The following LPO variants were observed in gnomAD, a reference collection of about 807,000 sequenced individuals.
LPO encodes the protein lactoperoxidase.
In LPO, 70 loss-of-function variants were observed where a neutral mutation model predicts 68.4. The observed-to-expected ratio is 1.02, with a 90% CI of 0.84 to 1.25. LPO has a LOEUF of 1.25. Among genes scored for constraint, LPO ranks in the 50% most tolerant of loss-of-function variants. The probability of loss-of-function intolerance (pLI) is 0.00; values close to 1 mark genes in which losing one functional copy is unlikely to be tolerated. For synonymous variants in LPO, 360 were observed against 357.6 expected, an observed-to-expected ratio of 1.01 and a Z score of -0.08; for missense variants, 873 against 908.4, an observed-to-expected ratio of 0.96 and a Z score of 0.50.
chr17:58,261,624 T>G (rs1391136963), intron 9 of LPO, among the ~76,000 whole-genome samples: 1 of 152,208 alleles, frequency 6.6e-6, no homozygotes, highest in Admixed American at 6.5e-5. Context: ...TTTAAAATAA[T>G]TATTAACATG....
chr17:58,264,887 C>T lies in LPO; in HGVS notation c.1432C>T (p.Leu478=). Residue 478 remains leucine (L), a synonymous_variant, in exon 10 of 13, where the codon CTG becomes TTG. Coordinates refer to ENST00000262290, the MANE Select transcript of LPO (RefSeq NM_006151.3). ...HLEVPSSMFR[L]DENYQPWGPE... The stretch of plus-strand genomic sequence containing the variant: ...GGAGGTCCCCTCTAGTATGTTCCGC[C>T]TGGATGAGAATTATCAGCCATGGGG... 1 of 1,614,242 alleles carries T rather than the reference C, an allele frequency of 6.2e-7. No homozygotes were observed. Among genetic ancestry groups the T allele is most frequent in the Non-Finnish European group, 8.5e-7 (1 of 1,180,052 alleles).
At chr17:58,244,125 A>ACT (rs767807634) in intron 3 of LPO, 44 bp downstream of exon 3, 2 of 1,316,626 alleles carry the variant, frequency 1.5e-6, no homozygotes, top group South Asian at 2.5e-5. Context: ...ACACACACAC[A>ACT]CACACACTTC....
intron 2 of LPO, 86 bp downstream of exon 2, chr17:58,243,141 C>T (rs897388646): frequency 3.0e-6 from 4 of 1,332,654 alleles, no homozygotes; most frequent in Non-Finnish European, 4.3e-6. Flanking sequence ...AATGTATTCT[C>T]TCACAGTACG....
chr17:58,254,412 T>C (rs1000306544), intron 8 of LPO: 1 of 154,676 alleles, frequency 6.5e-6, no homozygotes, highest in Non-Finnish European at 1.4e-5. Context: ...ATTTGCTCTG[T>C]GAAGTAAAAA....
rs1166759699 is a variant in LPO, at chr17:58,267,468, G to A, written c.1813G>A (p.Asp605Asn). 3.1e-6 allele frequency: 5 copies of A among 1,614,212 alleles called. 1 individual carries two copies. Among genetic ancestry groups the A allele is most frequent in the East Asian group, 4.5e-5 (2 of 44,880 alleles). Residue 605 changes from aspartate (D) to asparagine (N), a missense_variant, in exon 12 of 13, where the codon GAC becomes AAC. Coordinates refer to ENST00000262290, the MANE Select transcript of LPO (RefSeq NM_006151.3). Reference sequence around the variant, plus strand: ...GTTACTGGGTCTCTACGGGACCCCTGACAACATCGACATCTGGATAGGGGC... The same window carrying A: ...GTTACTGGGTCTCTACGGGACCCCTAACAACATCGACATCTGGATAGGGGC... ...KKLLGLYGTP[D>N]NIDIWIGAIA...
Position 58,247,604 on chromosome 17 carries a change from A to G in LPO, c.291A>G (p.Arg97=), listed in dbSNP as rs1969876072. 6.2e-7 allele frequency: 1 copy of G among 1,614,100 alleles called. No homozygotes were observed. ...AGGTGTGGGAGGAGTCTTTAAAGAG[A>G]CTGAGGCAGAAGGCATCCTTGACCA... ...NGQVWEESLK[R]LRQKASLTNV... is the part of the protein sequence containing the mutation. The change falls in exon 4 of 13, where the codon AGA becomes AGG. Residue 97 remains arginine, a synonymous_variant. Coordinates refer to ENST00000262290, the MANE Select transcript of LPO (RefSeq NM_006151.3).
intron 9 of LPO, among the ~76,000 whole-genome samples, chr17:58,263,378 G>A (rs1970206475): frequency 6.6e-6 from 1 of 152,158 alleles, no homozygotes; most frequent in Non-Finnish European, 1.5e-5. Flanking sequence ...TTGGTATTAT[G>A]AGTGATTTTC....
At chr17:58,242,591 C>T (rs746427104) in intron 1 of LPO, among the ~76,000 whole-genome samples, 4 of 152,198 alleles carry the variant, frequency 2.6e-5, no homozygotes, top group African/African-American at 4.8e-5. Flanking sequence ...CAGCATCTCC[C>T]GACCACAGGC....
chr17:58,252,088 CA>C, intron 7 of LPO, 93 bp from the exon 8 acceptor site: 1 of 1,165,280 alleles, frequency 8.6e-7, no homozygotes, highest in African/African-American at 1.5e-5. Context: ...AGGGTGCCAT[CA>C]GCATCTTTGC....
chr17:58,263,069 T>C (rs1461922830), intron 9 of LPO, among the ~76,000 whole-genome samples: 1 of 152,230 alleles, frequency 6.6e-6, no homozygotes, highest in Non-Finnish European at 1.5e-5. Flanking sequence ...GTAAATTCTA[T>C]TGATCTGTCT....
intron 9 of LPO, among the ~76,000 whole-genome samples, chr17:58,259,076 T>C (rs1970127708): frequency 6.6e-6 from 1 of 152,102 alleles, no homozygotes; most frequent in Admixed American, 6.5e-5. Context: ...AGCAAAAGCT[T>C]TTAATTTTAA....
chr17:58,257,927 A>G (rs747163645), intron 9 of LPO, among the ~76,000 whole-genome samples: 1 of 152,256 alleles, frequency 6.6e-6, no homozygotes, highest in South Asian at 2.1e-4. Flanking sequence ...TGCCATTTGT[A>G]TGTCTTCTTT....
intron 2 of LPO, 64 bp downstream of exon 2, chr17:58,243,119 T>A: frequency 6.8e-7 from 1 of 1,478,744 alleles, no homozygotes; most frequent in Non-Finnish European, 9.4e-7. Flanking sequence ...CTGGATGGCC[T>A]AAGACAACAG....
chr17:58,262,603 G>A (rs1489224598), intron 9 of LPO, among the ~76,000 whole-genome samples: 2 of 152,118 alleles, frequency 1.3e-5, no homozygotes, highest in Non-Finnish European at 2.9e-5. Context: ...ATGTTGGCCA[G>A]GCTAGTCTCA....
At chr17:58,258,771 T>A (rs985056459) in intron 9 of LPO, among the ~76,000 whole-genome samples, 3 of 152,222 alleles carry the variant, frequency 2.0e-5, no homozygotes, top group African/African-American at 7.2e-5. Context: ...TCCTTTCTGA[T>A]AGGTGTGTAG....
Position 58,267,903 on chromosome 17 carries a change from C to A in LPO, c.2048C>A (p.Pro683Gln). The change falls in exon 13 of 13, where the codon CCA becomes CAA. Residue 683 changes from proline to glutamine, a missense_variant. Transcript: ENST00000262290. ...NTRITKVPRDPFWANSYPYDF... is the reference protein window; with the variant it reads ...NTRITKVPRDQFWANSYPYDF... ...CGCATCACCAAGGTCCCACGGGACCCATTCTGGGCCAACAGCTACCCCTAT... is the reference window on the plus strand; with the variant it reads ...CGCATCACCAAGGTCCCACGGGACCAATTCTGGGCCAACAGCTACCCCTAT... The A allele has an allele frequency of 6.2e-7, 1 of 1,614,198 alleles. No homozygotes were observed. The highest frequency in any genetic ancestry group is 8.5e-7 in the Non-Finnish European group (1 of 1,180,022).
chr17:58,260,618 C>T (rs183437834), intron 9 of LPO, among the ~76,000 whole-genome samples: 10 of 152,138 alleles, frequency 6.6e-5, no homozygotes, highest in South Asian at 2.1e-4. Context: ...CTTTGTCAAA[C>T]GGTTTTTCTG....
At chr17:58,264,338 C>T (rs1970221227) in intron 9 of LPO, among the ~76,000 whole-genome samples, 1 of 152,148 alleles carries the variant, frequency 6.6e-6, no homozygotes, top group Non-Finnish European at 1.5e-5. Context: ...TCAGTTGCCC[C>T]TGAATCATTC....
intron 9 of LPO, among the ~76,000 whole-genome samples, chr17:58,257,859 T>A (rs1970100430): frequency 6.6e-6 from 1 of 152,250 alleles, no homozygotes; most frequent in South Asian, 2.1e-4. Context: ...CTCATTGTAG[T>A]TTTGATCTGC....
Sources: gnomAD v4.1 joint callset for allele counts (sites outside exome capture counted in the v4.1 genomes callset) on GRCh38, gnomAD v4.1.1 for gene constraint, MANE v1.5 for transcripts, NCBI Gene and HGNC (gene_info 2026-07-23, HGNC 2026-07-21) for gene names.